ATRX: variants seen among roughly 807,000 people sequenced by gnomAD.
ATRX encodes chromatin remodeler ATRX.
ATRX carries 12 observed loss-of-function variants against 172.6 expected under a neutral mutation model. The ratio of observed to expected loss-of-function variants is 0.07; its 90% CI spans 0.04 to 0.11. ATRX has a LOEUF of 0.11. Ranked by LOEUF, ATRX falls within the 10% of genes least tolerant of loss-of-function variation. ATRX has a pLI of 1.00. For missense variants in ATRX, 1,368 were observed against 1,767.4 expected (o/e 0.77, Z 4.05); for synonymous variants, 674 against 594.7 (o/e 1.13, Z -1.94).
chrX:77,528,140 C>A (rs896205037), intron 30 of ATRX, among the ~76,000 whole-genome samples: 1 of 109,704 alleles, frequency 9.1e-6, no homozygotes, highest in Non-Finnish European at 1.9e-5. Flanking sequence ...ACAAGGAGCA[C>A]CCCCTCCTTC....
chrX:77,735,835 A>AAT (rs200809263), intron 1 of ATRX, among the ~76,000 whole-genome samples: 3 of 86,692 alleles, frequency 3.5e-5, no homozygotes, highest in East Asian at 3.9e-4. Context: ...TAAATAAATA[A>AAT]AAATAAATAA....
intron 33 of ATRX, 46 bp from the exon 34 acceptor site, chrX:77,520,962 G>A: frequency 1.8e-6 from 2 of 1,124,272 alleles, no homozygotes; most frequent in Non-Finnish European, 2.4e-6. Context: ...GTACAATTGA[G>A]GAAAAATAAT....
At position 77,682,289 on chromosome X, in the gene ATRX, A is replaced by G. The variant is rs782250068; in HGVS notation, c.2967T>C (p.Thr989=). The change falls in exon 9 of 35, where the codon ACT becomes ACC. Residue 989 remains threonine, a synonymous_variant. Transcript: ENST00000373344. ...EDDKKQSKKG[T]EEKKKPSDFK... ...AGTCTGAAGGTTTCTTTTTTTCTTC[A>G]GTTCCCTTTTTGCTCTGCTTTTTAT... The G allele has an allele frequency of 8.4e-7, 1 of 1,196,682 alleles. No individual in the cohort carries two copies. The highest frequency in any genetic ancestry group is 1.8e-5 in the African/African-American group (1 of 55,916).
intron 30 of ATRX, among the ~76,000 whole-genome samples, chrX:77,551,346 A>G (rs2064503847): frequency 8.9e-6 from 1 of 111,975 alleles, no homozygotes; most frequent in African/African-American, 3.2e-5. Flanking sequence ...GACAAACCTG[A>G]CAAAAACAAG....
intron 2 of ATRX, among the ~76,000 whole-genome samples, chrX:77,716,319 A>AT (rs1237010118): frequency 4.4e-3 from 183 of 41,145 alleles, no homozygotes; most frequent in African/African-American, 0.012. Flanking sequence ...AAAAAAAAAA[A>AT]AAAAATATAT....
intron 27 of ATRX, among the ~76,000 whole-genome samples, chrX:77,588,057 C>T (rs1219271903): frequency 2.7e-5 from 3 of 112,158 alleles, no homozygotes; most frequent in African/African-American, 9.7e-5. Flanking sequence ...TGAAATAGTG[C>T]AGTATTAGCA....
intron 12 of ATRX, among the ~76,000 whole-genome samples, chrX:77,663,113 C>T (rs182612995): frequency 2.4e-4 from 27 of 111,444 alleles, no homozygotes; most frequent in African/African-American, 8.1e-4. Context: ...GTGGTGCAAT[C>T]GCTGCTCACT....
At chrX:77,725,687 A>C (rs1356987721) in intron 1 of ATRX, among the ~76,000 whole-genome samples, 157 of 111,707 alleles carry the variant, frequency 1.4e-3, no homozygotes, top group African/African-American at 4.8e-3. Flanking sequence ...GAACAGGCAA[A>C]CTACAGAATG....
chrX:77,686,423 T>C (rs974402848), intron 7 of ATRX, among the ~76,000 whole-genome samples: 1 of 112,187 alleles, frequency 8.9e-6, no homozygotes, highest in Admixed American at 9.4e-5. Flanking sequence ...GCAAAAACAC[T>C]GCACTACTGC....
chrX:77,781,788 T>G (rs1299341637), intron 1 of ATRX, among the ~76,000 whole-genome samples: 3 of 111,583 alleles, frequency 2.7e-5, no homozygotes, highest in Non-Finnish European at 3.8e-5. Context: ...ATTTAAATAG[T>G]TTCTGATATC....
At chrX:77,761,573 T>C (rs1229894348) in intron 1 of ATRX, among the ~76,000 whole-genome samples, 1 of 111,265 alleles carries the variant, frequency 9.0e-6, no homozygotes, top group Non-Finnish European at 1.9e-5. Flanking sequence ...CATGAATGTT[T>C]TGATATACAT....
chrX:77,592,154 G>A (rs2066281890), intron 26 of ATRX, among the ~76,000 whole-genome samples: 1 of 111,295 alleles, frequency 9.0e-6, no homozygotes, highest in Non-Finnish European at 1.9e-5. Context: ...GCTCACACCT[G>A]TAATCCCAGC....
At chrX:77,770,775 A>G (rs990433293) in intron 1 of ATRX, among the ~76,000 whole-genome samples, 1 of 112,418 alleles carries the variant, frequency 8.9e-6, no homozygotes, top group Admixed American at 9.5e-5. Flanking sequence ...AAGAATCTTC[A>G]TCAGTATTGA....
At chrX:77,727,135 A>T (rs2074082121) in intron 1 of ATRX, among the ~76,000 whole-genome samples, 1 of 111,480 alleles carries the variant, frequency 9.0e-6, no homozygotes, top group African/African-American at 3.3e-5. Context: ...ATGAGATACC[A>T]TCTCATGCCA....
At chrX:77,626,249 A>C in intron 19 of ATRX, among the ~76,000 whole-genome samples, 1 of 106,740 alleles carries the variant, frequency 9.4e-6, no homozygotes, top group East Asian at 3.0e-4. Context: ...ACACAAAGGC[A>C]TAAGAATGAC....
chrX:77,743,346 G>C (rs782706685), intron 1 of ATRX, among the ~76,000 whole-genome samples: 1 of 110,887 alleles, frequency 9.0e-6, no homozygotes, highest in Non-Finnish European at 1.9e-5. Flanking sequence ...CCTCACCCAA[G>C]CATTTTGCCA....
chrX:77,510,076 G>A (rs186805263), intron 34 of ATRX, among the ~76,000 whole-genome samples: 1 of 111,828 alleles, frequency 8.9e-6, no homozygotes, highest in East Asian at 2.8e-4. Flanking sequence ...AGAAGACTTT[G>A]TCTTGCAGCT....
intron 34 of ATRX, among the ~76,000 whole-genome samples, chrX:77,508,852 T>C (rs1557035115): frequency 8.9e-6 from 1 of 112,371 alleles, no homozygotes; most frequent in Non-Finnish European, 1.9e-5. Context: ...GACTATTATA[T>C]TGCAAGCAGC....
chrX:77,664,553 A>T (rs782815123), intron 11 of ATRX, 92 bp downstream of exon 11: 1 of 1,140,884 alleles, frequency 8.8e-7, no homozygotes, highest in East Asian at 3.1e-5. Context: ...GCCGGGCCAT[A>T]TTAAGATATT....
Sources: gnomAD v4.1 joint callset for allele counts (sites outside exome capture counted in the v4.1 genomes callset) on GRCh38, gnomAD v4.1.1 for gene constraint, MANE v1.5 for transcripts, NCBI Gene and HGNC (gene_info 2026-07-23, HGNC 2026-07-21) for gene names.